The following MYOM2 variants were observed in gnomAD, a reference collection of about 807,000 sequenced individuals.
MYOM2 encodes the protein myomesin-2.
A neutral mutation model predicts 187.6 loss-of-function variants in MYOM2; 254 were observed. The ratio of observed to expected loss-of-function variants is 1.35; its 90% CI spans 1.22 to 1.50. The LOEUF (loss-of-function observed/expected upper bound fraction) is 1.50, where lower values mean the gene tolerates loss of function less well. Among genes scored for constraint, MYOM2 ranks in the 40% most tolerant of loss-of-function variants. The pLI, the probability that MYOM2 is intolerant of heterozygous loss-of-function variation, is 0.00. For missense variants in MYOM2, 2,796 were observed against 1,924.0 expected (o/e 1.45, Z -8.48); for synonymous variants, 981 against 753.8 (o/e 1.30, Z -4.94).
At position 2,101,059 on chromosome 8, in the gene MYOM2, G is replaced by A; in HGVS notation, c.2619+5G>A. 6.2e-7 allele frequency: 1 copy of A among 1,613,728 alleles called. No homozygotes were observed. Among genetic ancestry groups the A allele is most frequent in the Non-Finnish European group, 8.5e-7 (1 of 1,179,804 alleles). ...ACAGCCAGCCGTTATTTAAAGGTAA[G>A]TCTTGGCCGGCTGTGGTGGCTCATG... On this transcript the variant is annotated splice_donor_5th_base_variant and intron_variant, in intron 20 of 36. Coordinates refer to ENST00000262113, the MANE Select transcript of MYOM2 (RefSeq NM_003970.4).
Position 2,106,249 on chromosome 8 carries a change from G to C in MYOM2, c.2742G>C (p.Lys914Asn). ...PVLVEARPGT[K>N]EISAGVDEQG... ...CATACTCTTCTTATGCAGGCACCAA[G>C]GAAATCAGTGCTGGTGTCGATGAAC... is the stretch of plus-strand genomic sequence containing the variant. Residue 914 changes from lysine to asparagine, a missense_variant, in exon 22 of 37, where the codon AAG becomes AAC. Coordinates refer to ENST00000262113, the MANE Select transcript of MYOM2 (RefSeq NM_003970.4). 1.2e-6 allele frequency: 2 copies of C among 1,614,074 alleles called. No homozygotes were observed. The highest frequency in any genetic ancestry group is 1.7e-6 in the Non-Finnish European group (2 of 1,179,992).
In MYOM2 at chr8:2,089,360, G is replaced by T. The variant is rs77282166; in HGVS notation, c.1645-648G>T. ...CACCATATAAAATAGCCACATTAAC[G>T]TGTGGTACATATATTTATAGTCTTT... On this transcript the variant is annotated intron_variant, in intron 14 of 36. Transcript: ENST00000262113. 1.5e-4 allele frequency among the ~76,000 whole-genome samples: 23 copies of T among 152,286 alleles called. No homozygotes were observed. The South Asian group carries it at 4.6e-3, about 30-fold the overall frequency.
At chr8:2,065,876 C>G (rs1385872906) in intron 6 of MYOM2, among the ~76,000 whole-genome samples, 5 of 152,174 alleles carry the variant, frequency 3.3e-5, no homozygotes, top group African/African-American at 7.2e-5. Flanking sequence ...TACACTGACA[C>G]CACAGTTTAA....
chr8:2,135,279 A>G (rs1231895114), intron 32 of MYOM2, among the ~76,000 whole-genome samples: 3 of 152,218 alleles, frequency 2.0e-5, no homozygotes, highest in Admixed American at 6.5e-5. Flanking sequence ...GCCATACAGT[A>G]TCAAATCAAA....
At position 2,079,152 on chromosome 8, in the gene MYOM2, C is replaced by T. The variant is rs1390524864; in HGVS notation, c.1462+219C>T. Among the ~76,000 whole-genome samples, 4 of 152,146 alleles carry T rather than the reference C, an allele frequency of 2.6e-5. No homozygotes were observed. The East Asian group carries it at 7.7e-4, about 29-fold the overall frequency. ...ACACTCTAAAATGAATGTGCCTCTC[C>T]TCCAGAAAGCTCTTTGCTGGCATCC... On this transcript the variant is annotated intron_variant, in intron 12 of 36. Transcript: ENST00000262113.
chr8:2,090,829 A>T (rs1344294740), intron 15 of MYOM2, among the ~76,000 whole-genome samples: 1 of 152,168 alleles, frequency 6.6e-6, no homozygotes, highest in Non-Finnish European at 1.5e-5. Flanking sequence ...ATAGTATTCC[A>T]TGGTATATAT....
Position 2,073,471 on chromosome 8 carries a change from G to A in MYOM2, c.1091G>A (p.Ser364Asn). The part of the protein sequence containing the change: ...TLRIVSRGGV[S>N]DHSAFLFVRD... ...CGCATCGTGTCTCGGGGCGGCGTCA[G>A]CGACCACAGCGCCTTCCTGTTTGTC... The change falls in exon 10 of 37, where the codon AGC becomes AAC. Residue 364 changes from serine to asparagine, a missense_variant. Ser to Asn is a conservative substitution (Grantham distance 46, BLOSUM62 1). Coordinates refer to ENST00000262113, the MANE Select transcript of MYOM2 (RefSeq NM_003970.4). 1 of 1,608,048 alleles carries A rather than the reference G, an allele frequency of 6.2e-7. No homozygotes were observed. Among genetic ancestry groups the A allele is most frequent in the East Asian group, 2.2e-5 (1 of 44,844 alleles).
At position 2,085,250 on chromosome 8, in the gene MYOM2, A is replaced by G. The variant is rs762833251; in HGVS notation, c.1517-13A>G. On this transcript the variant is annotated splice_polypyrimidine_tract_variant and intron_variant, in intron 13 of 36. Coordinates refer to ENST00000262113, the MANE Select transcript of MYOM2 (RefSeq NM_003970.4). ...GGGTCCTTCAGCACTCACCGAATTT[A>G]TTATTCCTCCAGGTGACGCCCAGGT... is the stretch of plus-strand genomic sequence containing the variant. 3 of 1,613,416 alleles carry G rather than the reference A, an allele frequency of 1.9e-6. No individual in the cohort carries two copies. Among genetic ancestry groups the G allele is most frequent in the South Asian group, 2.2e-5 (2 of 91,024 alleles).
chr8:2,046,417 G>A (rs762455195), intron 1 of MYOM2, among the ~76,000 whole-genome samples: 9 of 152,218 alleles, frequency 5.9e-5, no homozygotes, highest in Non-Finnish European at 1.3e-4. Context: ...TGGAAAGTGG[G>A]CTGGACGCTG....
chr8:2,047,312 C>T (rs772065575), intron 1 of MYOM2, among the ~76,000 whole-genome samples: 1 of 152,064 alleles, frequency 6.6e-6, no homozygotes, highest in Admixed American at 6.5e-5. Flanking sequence ...GTGAGGGACA[C>T]TGGGGAAGTT....
intron 32 of MYOM2, among the ~76,000 whole-genome samples, chr8:2,132,372 T>G (rs779646397): frequency 1.3e-5 from 2 of 152,192 alleles, no homozygotes; most frequent in South Asian, 4.1e-4. Flanking sequence ...ACATGTCACT[T>G]TAAGGGAATG....
chr8:2,055,672 C>T (rs1324397802), intron 3 of MYOM2, among the ~76,000 whole-genome samples: 2 of 152,322 alleles, frequency 1.3e-5, no homozygotes, highest in South Asian at 2.1e-4. Flanking sequence ...AAATGCCTAA[C>T]ACCAGGCCTT....
rs201431290 is a variant in MYOM2 at position 2,133,966 on chromosome 8, T to C, written c.3800+4734T>C. On this transcript the variant is annotated intron_variant, in intron 32 of 36. Transcript: ENST00000262113. ...CCACCCTCTTCCCCTGAGGTTAACGTCTTCTGTAGCCACCTCCACCCTCTT... is the reference window on the plus strand; with the variant it reads ...CCACCCTCTTCCCCTGAGGTTAACGCCTTCTGTAGCCACCTCCACCCTCTT... Among the ~76,000 whole-genome samples the C allele has an allele frequency of 9.6e-4, 117 of 122,172 alleles. 9 individuals carry two copies. Among genetic ancestry groups the C allele is most frequent in the African/African-American group, 2.9e-3 (71 of 24,538 alleles). The allele number at this position is 122,172 out of a possible 152,430, so 80.1% of individuals were successfully genotyped here.
chr8:2,079,629 T>G lies in MYOM2; in HGVS notation c.1516+16T>G, dbSNP rs373701280. On this transcript the variant is annotated intron_variant, in intron 13 of 36. Transcript: ENST00000262113. ...GACCTTGAAGGTAAGTAGCACCTCATCACCCCAGCTGCTCAGCCCCTGGGG... is the reference window on the plus strand; with the variant it reads ...GACCTTGAAGGTAAGTAGCACCTCAGCACCCCAGCTGCTCAGCCCCTGGGG... The G allele has an allele frequency of 3.1e-6, 5 of 1,613,090 alleles. No individual in the cohort carries two copies. Among genetic ancestry groups the G allele is most frequent in the Non-Finnish European group, 4.2e-6 (5 of 1,179,180 alleles).
At position 2,100,919 on chromosome 8, in the gene MYOM2, C is replaced by T. The variant is rs1021996200; in HGVS notation, c.2484C>T (p.Ser828=). ...DLTFCEVRDT[S]LVMLWKAPVY... is the part of the protein sequence containing the mutation. Reference sequence around the variant, plus strand: ...CGTTCTGTGAGGTCAGGGACACGTCCTTGGTCATGCTGTGGAAGGCCCCTG... The same window carrying T: ...CGTTCTGTGAGGTCAGGGACACGTCTTTGGTCATGCTGTGGAAGGCCCCTG... Residue 828 remains serine (S), a synonymous_variant, in exon 20 of 37, where the codon TCC becomes TCT. Transcript: ENST00000262113. 3 of 1,614,176 alleles carry T rather than the reference C, an allele frequency of 1.9e-6. No individual in the cohort carries two copies. In the Admixed American group the frequency reaches 5.0e-5, roughly 27 times the overall value.
chr8:2,085,147 A>T (rs114471764), intron 13 of MYOM2, 116 bp from the exon 14 acceptor site: 23 of 1,336,860 alleles, frequency 1.7e-5, no homozygotes, highest in Admixed American at 2.3e-5. Context: ...GACTTCCCCA[A>T]ATAGAAACAA....
chr8:2,111,100 T>G (rs1202009543), intron 25 of MYOM2, among the ~76,000 whole-genome samples: 2 of 152,210 alleles, frequency 1.3e-5, no homozygotes, highest in Non-Finnish European at 2.9e-5. Flanking sequence ...AATGGCACTT[T>G]ATTTGCGGGA....
At chr8:2,134,615 G>T (rs1030054127) in intron 32 of MYOM2, among the ~76,000 whole-genome samples, 1 of 150,306 alleles carries the variant, frequency 6.7e-6, no homozygotes, top group Non-Finnish European at 1.5e-5. Context: ...CTGCTGGGAG[G>T]CGCTGGCCTC....
chr8:2,053,662 G>T (rs530427851), intron 3 of MYOM2, among the ~76,000 whole-genome samples: 1 of 152,334 alleles, frequency 6.6e-6, no homozygotes, highest in Non-Finnish European at 1.5e-5. Context: ...TACCAAATCT[G>T]ACTCAAAGAA....
Sources: allele counts gnomAD v4.1 joint callset (sites outside exome capture counted in the v4.1 genomes callset), GRCh38; gene constraint gnomAD v4.1.1; transcripts MANE v1.5; gene names NCBI Gene and HGNC (gene_info 2026-07-23, HGNC 2026-07-21).